The following PKHD1L1 variants were observed in gnomAD, a reference collection of about 807,000 sequenced individuals.
PKHD1L1 encodes fibrocystin-L.
A neutral mutation model predicts 462.9 loss-of-function variants in PKHD1L1; 434 were observed. The observed-to-expected ratio is 0.94, with a 90% CI of 0.87 to 1.02. PKHD1L1 has a LOEUF of 1.02. Ranked by LOEUF, PKHD1L1 falls within the 50% of genes least tolerant of loss-of-function variation. The pLI is 0.00. For missense variants in PKHD1L1, 5,202 were observed against 5,096.1 expected, an observed-to-expected ratio of 1.02 and a Z score of -0.63; for synonymous variants, 1,781 against 1,750.0, an observed-to-expected ratio of 1.02 and a Z score of -0.44.
Position 109,522,355 on chromosome 8 carries a change from GA to G in PKHD1L1, c.12183+24del. On this transcript the variant is annotated intron_variant, in intron 74 of 77. Coordinates refer to ENST00000378402, the MANE Select transcript of PKHD1L1 (RefSeq NM_177531.6). Reference sequence around the variant, plus strand: ...GGATTAAGGTAAGAAAATGCAACTAGAAAAAATGCATTTTTTGGGACTTAAA... The same window carrying G: ...GGATTAAGGTAAGAAAATGCAACTAGAAAAATGCATTTTTTGGGACTTAAA... 6.6e-7 allele frequency: 1 copy of G among 1,512,176 alleles called. No homozygotes were observed. The highest frequency in any genetic ancestry group is 8.9e-7 in the Non-Finnish European group (1 of 1,128,808). The allele number at this position is 1,512,176 out of a possible 1,614,324, so 93.7% of individuals were successfully genotyped here.
chr8:109,435,246 G>A lies in PKHD1L1; in HGVS notation c.3397G>A (p.Val1133Met), dbSNP rs756815227. 4.3e-6 allele frequency: 7 copies of A among 1,613,876 alleles called. No homozygotes were observed. In the Admixed American group the frequency reaches 6.7e-5, roughly 15 times the overall value. ...NGSAGHAPVAVSMADVGLAQN... is the reference protein window; with the variant it reads ...NGSAGHAPVAMSMADVGLAQN... ...AAGTGCTGGACATGCCCCCGTTGCT[G>A]TGTCCATGGCTGATGTTGGACTAGC... The change falls in exon 29 of 78, where the codon GTG becomes ATG. Residue 1133 changes from valine to methionine, a missense_variant. Val to Met is a conservative substitution (Grantham distance 21). Coordinates refer to ENST00000378402, the MANE Select transcript of PKHD1L1 (RefSeq NM_177531.6).
chr8:109,382,674 A>T (rs1812188400), intron 4 of PKHD1L1, 103 bp downstream of exon 4: 1 of 728,456 alleles, frequency 1.4e-6, no homozygotes, highest in Non-Finnish European at 2.1e-6. Context: ...TTCCACATTT[A>T]AAAATACATT....
chr8:109,498,929 T>G, intron 67 of PKHD1L1, 158 bp downstream of exon 67: 1 of 673,216 alleles, frequency 1.5e-6, no homozygotes, highest in Non-Finnish European at 2.5e-6. Context: ...GAGTCAATTT[T>G]GAGAATGGTT....
At chr8:109,437,885 A>T (rs1236787573) in intron 30 of PKHD1L1, among the ~76,000 whole-genome samples, 1 of 152,162 alleles carries the variant, frequency 6.6e-6, no homozygotes, top group African/African-American at 2.4e-5. Context: ...AGGGGGTCCA[A>T]GTGCTTAGTC....
At chr8:109,491,123 T>A in intron 61 of PKHD1L1, 22 bp downstream of exon 61, 1 of 1,596,848 alleles carries the variant, frequency 6.3e-7, no homozygotes, top group Admixed American at 1.7e-5. Flanking sequence ...ATATTTTGGT[T>A]CAAATTACAC....
intron 46 of PKHD1L1, among the ~76,000 whole-genome samples, chr8:109,459,312 A>C (rs971130792): frequency 4.6e-5 from 7 of 152,158 alleles, no homozygotes; most frequent in Non-Finnish European, 7.4e-5. Flanking sequence ...TGATCCTCCA[A>C]GTTATAAATG....
At position 109,537,129 on chromosome 8, in the gene PKHD1L1, T is replaced by G. The variant is rs909233311; in HGVS notation, c.*7039T>G. Reference sequence around the variant, plus strand: ...TGCGGCAAAGCTTTGTTTTACTTGATCAAGAAATGAATGTGACTTTATGAT... The same window carrying G: ...TGCGGCAAAGCTTTGTTTTACTTGAGCAAGAAATGAATGTGACTTTATGAT... On this transcript the variant is annotated 3_prime_UTR_variant, in exon 78 of 78. Transcript: ENST00000378402. 1.3e-5 allele frequency among the ~76,000 whole-genome samples: 2 copies of G among 152,196 alleles called. No homozygotes were observed. Among genetic ancestry groups the G allele is most frequent in the African/African-American group, 4.8e-5 (2 of 41,440 alleles).
Position 109,381,431 on chromosome 8 carries a change from G to T in PKHD1L1, c.225G>T (p.Val75=). 6.3e-7 allele frequency: 1 copy of T among 1,583,960 alleles called. No homozygotes were observed. Among genetic ancestry groups the T allele is most frequent in the South Asian group, 1.2e-5 (1 of 86,950 alleles). Residue 75 remains valine, a synonymous_variant, in exon 3 of 78, where the codon GTG becomes GTT. Coordinates refer to ENST00000378402, the MANE Select transcript of PKHD1L1 (RefSeq NM_177531.6). ...GVDNAELGNS[V]QLISSFQSIT... ...ATAACGCTGAGTTGGGAAACAGTGTGCAATTAATTTCTTCTTTCCAGTCAA... is the reference window on the plus strand; with the variant it reads ...ATAACGCTGAGTTGGGAAACAGTGTTCAATTAATTTCTTCTTTCCAGTCAA...
chr8:109,523,926 A>G (rs1188645674), intron 76 of PKHD1L1, among the ~76,000 whole-genome samples: 1 of 152,184 alleles, frequency 6.6e-6, no homozygotes, highest in Non-Finnish European at 1.5e-5. Context: ...TTTTTCAGAA[A>G]GTGTGCACAA....
chr8:109,435,054 T>C (rs1815326234), intron 28 of PKHD1L1, 136 bp from the exon 29 acceptor site: 3 of 817,116 alleles, frequency 3.7e-6, no homozygotes, highest in East Asian at 5.3e-5. Flanking sequence ...CACACATTAA[T>C]ATATGATTGG....
chr8:109,451,162 C>T lies in PKHD1L1; in HGVS notation c.6350+13C>T, dbSNP rs1334099889. On this transcript the variant is annotated intron_variant, in intron 41 of 77. Transcript: ENST00000378402. Reference sequence around the variant, plus strand: ...GATCAGGATTCAGGTACTGTCTCCACACAAACACGCATCATTGTGCATTTC... The same window carrying T: ...GATCAGGATTCAGGTACTGTCTCCATACAAACACGCATCATTGTGCATTTC... The T allele has an allele frequency of 6.3e-7, 1 of 1,586,114 alleles. No homozygotes were observed. The highest frequency in any genetic ancestry group is 8.6e-7 in the Non-Finnish European group (1 of 1,162,818).
intron 50 of PKHD1L1, chr8:109,470,925 A>T: frequency 6.3e-7 from 1 of 1,598,316 alleles, no homozygotes; most frequent in Non-Finnish European, 8.6e-7. Flanking sequence ...GAGAGAAATG[A>T]GGAAGGATTT....
At chr8:109,423,187 C>T (rs1214151468) in intron 23 of PKHD1L1, among the ~76,000 whole-genome samples, 5 of 151,352 alleles carry the variant, frequency 3.3e-5, no homozygotes, top group Admixed American at 6.6e-5. Context: ...TTGAACGGTG[C>T]TTTTGGTTTC....
At chr8:109,481,647 A>C in intron 56 of PKHD1L1, 85 bp downstream of exon 56, 9 of 1,179,542 alleles carry the variant, frequency 7.6e-6, no homozygotes, top group Non-Finnish European at 9.8e-6. Flanking sequence ...ATATCAGTTC[A>C]TAATGATAAA....
chr8:109,500,370 C>T (rs1819337682), intron 67 of PKHD1L1, among the ~76,000 whole-genome samples: 3 of 151,396 alleles, frequency 2.0e-5, no homozygotes, highest in South Asian at 4.2e-4. Context: ...ATGGCTCAGA[C>T]CCTCATTCCT....
intron 62 of PKHD1L1, among the ~76,000 whole-genome samples, 182 bp from the exon 63 acceptor site, chr8:109,493,479 C>T (rs1818930362): frequency 6.6e-6 from 1 of 151,428 alleles, no homozygotes; most frequent in Admixed American, 6.6e-5. Context: ...CACCAAGAAC[C>T]TGGTGTAATT....
intron 21 of PKHD1L1, among the ~76,000 whole-genome samples, chr8:109,415,870 T>TGTGTGTGTGG (rs1172246860): frequency 7.0e-6 from 1 of 142,484 alleles, no homozygotes; most frequent in African/African-American, 2.6e-5. Context: ...AAGGGGTGTG[T>TGTGTGTGTGG]GTGTGTGTGT....
chr8:109,459,889 T>G (rs1817025899), intron 47 of PKHD1L1, 53 bp downstream of exon 47: 1 of 1,482,914 alleles, frequency 6.7e-7, no homozygotes, highest in Non-Finnish European at 9.0e-7. Context: ...AGTTTTACAA[T>G]TTAATTGGTT....
In PKHD1L1 at chr8:109,464,547, G is replaced by A. The variant is rs77310972; in HGVS notation, c.7715G>A (p.Arg2572Gln). The A allele has an allele frequency of 4.4e-3, 7,160 of 1,613,532 alleles. 278 individuals carry two copies. In the African/African-American group the frequency reaches 0.085, roughly 19 times the overall value. Residue 2572 changes from arginine to glutamine, a missense_variant, in exon 49 of 78, where the codon CGA (arginine) becomes CAA (glutamine). This residue lies in a region of PKHD1L1 where 4,497 missense variants were observed against 4,336.8 expected (regional missense o/e 1.04). Transcript: ENST00000378402. ...FWVTNPNNTI[R>Q]HNAVAGGTHF... The stretch of plus-strand genomic sequence containing the variant: ...GTCACCAACCCGAACAATACCATAC[G>A]ACACAATGCTGTTGCTGGTGGCACT...
Sources: allele counts gnomAD v4.1 joint callset (sites outside exome capture counted in the v4.1 genomes callset), GRCh38; gene constraint gnomAD v4.1.1; regional missense constraint gnomAD v4.1.1; transcripts MANE v1.5; gene names NCBI Gene and HGNC (gene_info 2026-07-23, HGNC 2026-07-21).